The following AFF4 variants were observed in gnomAD, a reference collection of about 807,000 sequenced individuals.
AFF4 encodes AF4/FMR2 family member 4.
AFF4 carries 13 observed loss-of-function variants against 124.8 expected under a neutral mutation model. That is an observed-to-expected ratio of 0.10 (90% CI 0.07 to 0.17). The LOEUF (loss-of-function observed/expected upper bound fraction) is 0.17. Ranked by LOEUF, AFF4 falls within the 10% of genes least tolerant of loss-of-function variation. The pLI is 1.00. For missense variants in AFF4, 1,092 were observed against 1,403.8 expected (o/e 0.78, Z 3.55); for synonymous variants, 477 against 496.1 (o/e 0.96, Z 0.51).
chr5:132,946,596 T>C (rs900947667), intron 1 of AFF4, among the ~76,000 whole-genome samples: 2 of 152,148 alleles, frequency 1.3e-5, no homozygotes, highest in Admixed American at 1.3e-4. Flanking sequence ...ACATATTGTA[T>C]GATTCTACTT....
chr5:132,929,158 C>A (rs1761246462), intron 4 of AFF4, among the ~76,000 whole-genome samples: 1 of 151,996 alleles, frequency 6.6e-6, no homozygotes, highest in Admixed American at 6.5e-5. Flanking sequence ...AGGGAACACA[C>A]ACCTGAAGTT....
At position 132,922,556 on chromosome 5, in the gene AFF4, C is replaced by T. The variant is rs532729288; in HGVS notation, c.1050+4565G>A. 1.8e-4 allele frequency among the ~76,000 whole-genome samples: 28 copies of T among 151,964 alleles called. 1 individual carries two copies. The South Asian group carries it at 5.0e-3, about 27-fold the overall frequency. On this transcript the variant is annotated intron_variant, in intron 5 of 20. Coordinates refer to ENST00000265343, the MANE Select transcript of AFF4 (RefSeq NM_014423.4). ...CAGCACTTTGGGAGGCCGAGGCAGGCGGCTCACGAGGTCAAGAGATCAAGA... is the reference window on the plus strand; with the variant it reads ...CAGCACTTTGGGAGGCCGAGGCAGGTGGCTCACGAGGTCAAGAGATCAAGA...
At chr5:132,905,836 G>C (rs1256935595) in intron 5 of AFF4, among the ~76,000 whole-genome samples, 1 of 152,128 alleles carries the variant, frequency 6.6e-6, no homozygotes, top group Non-Finnish European at 1.5e-5. Context: ...TCAAAAAAGT[G>C]AAAAGACAAC....
chr5:132,937,982 C>T (rs965592941), intron 1 of AFF4, among the ~76,000 whole-genome samples: 1 of 152,084 alleles, frequency 6.6e-6, no homozygotes, highest in Non-Finnish European at 1.5e-5. Context: ...CAATTTATAG[C>T]AGCAAGGATT....
At chr5:132,908,136 A>ATACT (rs1302382463) in intron 5 of AFF4, among the ~76,000 whole-genome samples, 1 of 151,814 alleles carries the variant, frequency 6.6e-6, no homozygotes, top group Non-Finnish European at 1.5e-5. Context: ...TTTTAATCAT[A>ATACT]TACTCCATTA....
chr5:132,888,003 G>A, intron 15 of AFF4, 21 bp from the exon 16 acceptor site: 1 of 1,612,298 alleles, frequency 6.2e-7, no homozygotes, highest in Non-Finnish European at 8.5e-7. Context: ...GAGAATGCAA[G>A]TAATGAGTAA....
In AFF4 at chr5:132,885,097, G is replaced by A. The variant is rs780212855; in HGVS notation, c.3122C>T (p.Ala1041Val). ...CTACCTTCCCAAGCCAGGCGATGGT[G>A]CTTGAGAATTATTATAAGAATTCTG... ...HLKNSYNNSQ[A>V]PSPGLGSKAV... is the part of the protein sequence containing the mutation. Residue 1041 changes from alanine to valine, a missense_variant, in exon 19 of 21, where the codon GCA (alanine) becomes GTA (valine). By Grantham distance (64) the Ala-to-Val change is moderately conservative (BLOSUM62 0). This residue lies in a region of AFF4 where 173 missense variants were observed against 294.9 expected (regional missense o/e 0.59). Transcript: ENST00000265343. 8 of 1,595,414 alleles carry A rather than the reference G, an allele frequency of 5.0e-6. No individual in the cohort carries two copies. The Admixed American group carries it at 1.2e-4, about 24-fold the overall frequency.
chr5:132,887,809 T>G, intron 16 of AFF4, 37 bp downstream of exon 16: 1 of 1,608,324 alleles, frequency 6.2e-7, no homozygotes, highest in African/African-American at 1.3e-5. Context: ...AGAGAAATAA[T>G]GTTATTGCCA....
At chr5:132,886,925 A>G (rs1034318039) in intron 17 of AFF4, among the ~76,000 whole-genome samples, 1 of 152,170 alleles carries the variant, frequency 6.6e-6, no homozygotes, top group African/African-American at 2.4e-5. Flanking sequence ...TAAATAGAGT[A>G]GGTCTCCCTA....
intron 15 of AFF4, 27 bp from the exon 16 acceptor site, chr5:132,888,009 A>G (rs146197061): frequency 6.2e-7 from 1 of 1,612,094 alleles, no homozygotes; most frequent in East Asian, 2.2e-5. Context: ...GCAAGTAATG[A>G]GTAATGATCT....
At chr5:132,932,416 A>C (rs965706846) in intron 3 of AFF4, among the ~76,000 whole-genome samples, 194 bp from the exon 4 acceptor site, 1 of 152,222 alleles carries the variant, frequency 6.6e-6, no homozygotes, top group Non-Finnish European at 1.5e-5. Context: ...CAAACTATAC[A>C]AAGCTGGGGG....
intron 5 of AFF4, among the ~76,000 whole-genome samples, chr5:132,926,013 T>C (rs1761162419): frequency 6.6e-6 from 1 of 151,954 alleles, no homozygotes; most frequent in African/African-American, 2.4e-5. Flanking sequence ...AATGGCTAAA[T>C]AAACTAGGAT....
intron 1 of AFF4, chr5:132,948,504 CACAGTG>C (rs1761753308): frequency 6.5e-6 from 1 of 152,932 alleles, no homozygotes; most frequent in Non-Finnish European, 1.5e-5. Flanking sequence ...ATCATGGCCT[CACAGTG>C]ACGAGCATGT....
In AFF4 at chr5:132,876,713, A is replaced by G. The variant is rs1314799509; in HGVS notation, c.*4346T>C. 3.0e-5 allele frequency: 6 copies of G among 196,948 alleles called. No homozygotes were observed. The Admixed American group carries it at 3.6e-4, about 12-fold the overall frequency. 12.2% of individuals were successfully genotyped at this position (196,948 alleles called of 1,614,324 possible). ...TTATTATTTCCATTCCCTTTTCTGG[A>G]GACAGCAAGTTCTTTCTAATTAACC... On this transcript the variant is annotated 3_prime_UTR_variant, in exon 21 of 21. Coordinates refer to ENST00000265343, the MANE Select transcript of AFF4 (RefSeq NM_014423.4).
At chr5:132,892,958 C>A in intron 12 of AFF4, 72 bp downstream of exon 12, 1 of 1,422,402 alleles carries the variant, frequency 7.0e-7, no homozygotes, top group South Asian at 1.2e-5. Context: ...CAGAGCATGT[C>A]AGAAAGTACC....
rs754241942 is a variant in AFF4 at position 132,934,607 on chromosome 5, C to T, written c.458G>A (p.Arg153His). 1.1e-5 allele frequency: 17 copies of T among 1,614,018 alleles called. No individual in the cohort carries two copies. Among genetic ancestry groups the T allele is most frequent in the Admixed American group, 8.3e-5 (5 of 59,994 alleles). Residue 153 changes from arginine to histidine, a missense_variant, in exon 3 of 21, where the codon CGT (arginine) becomes CAT (histidine). Coordinates refer to ENST00000265343, the MANE Select transcript of AFF4 (RefSeq NM_014423.4). The part of the protein sequence containing the change: ...GTNSSGQRHD[R>H]ESYNNSGSSS... ...GCTCCCACTATTGTTATATGACTCACGGTCGTGCCTCTGACCACTACTGTT... is the reference window on the plus strand; with the variant it reads ...GCTCCCACTATTGTTATATGACTCATGGTCGTGCCTCTGACCACTACTGTT...
chr5:132,900,788 C>T lies in AFF4; in HGVS notation c.1134-1147G>A, dbSNP rs770244186. 73 of 847,776 alleles carry T rather than the reference C, an allele frequency of 8.6e-5. 1 individual carries two copies. In the South Asian group the frequency reaches 3.1e-3, roughly 37 times the overall value. 52.5% of individuals were successfully genotyped at this position (847,776 alleles called of 1,614,324 possible). On this transcript the variant is annotated intron_variant, in intron 7 of 20. Transcript: ENST00000265343. ...CCACAAAACATTCCTTGTCTTTTTA[C>T]ATGGGAGGAAAAATTAATACAAAGC...
At chr5:132,957,865 C>T (rs1293464998) in intron 1 of AFF4, among the ~76,000 whole-genome samples, 1 of 152,132 alleles carries the variant, frequency 6.6e-6, no homozygotes, top group Non-Finnish European at 1.5e-5. Flanking sequence ...GGGCAAAGAC[C>T]TGGCTTCTTC....
At chr5:132,939,347 G>A (rs1218984693) in intron 1 of AFF4, among the ~76,000 whole-genome samples, 5 of 151,730 alleles carry the variant, frequency 3.3e-5, no homozygotes, top group African/African-American at 7.3e-5. Flanking sequence ...CTTTGGTTTC[G>A]CTAATACTTA....
Sources: allele counts gnomAD v4.1 joint callset (sites outside exome capture counted in the v4.1 genomes callset), GRCh38; gene constraint gnomAD v4.1.1; regional missense constraint gnomAD v4.1.1; transcripts MANE v1.5; gene names NCBI Gene and HGNC (gene_info 2026-07-23, HGNC 2026-07-21).